Variants in TENM2 observed in about 807,000 individuals in gnomAD.
TENM2 encodes the protein teneurin-2.
Under a neutral mutation model 245.2 loss-of-function variants are expected in TENM2, and 52 were observed. The ratio of observed to expected loss-of-function variants is 0.21; its 90% CI spans 0.17 to 0.27. The LOEUF is 0.27. Ranked by LOEUF, TENM2 falls within the 10% of genes least tolerant of loss-of-function variation. The pLI is 1.00. For synonymous variants in TENM2, 1,363 were observed against 1,438.9 expected (o/e 0.95, Z 1.19); for missense variants, 3,046 against 3,666.8 (o/e 0.83, Z 4.37).
chr5:167,543,397 G>T (rs1772341220), intron 2 of TENM2, among the ~76,000 whole-genome samples: 2 of 152,110 alleles, frequency 1.3e-5, no homozygotes, highest in African/African-American at 4.8e-5. Context: ...TGAGAGGAGT[G>T]GTGAAGTCAC....
chr5:167,623,763 G>A lies in TENM2; in HGVS notation c.502+248290G>A, dbSNP rs572866199. ...ACTAGTGGAGATGCTGATTGTTTTG[G>A]TTTTGTTTCCTTTTTAAATTTTTTT... is the stretch of plus-strand genomic sequence containing the variant. On this transcript the variant is annotated intron_variant, in intron 2 of 28. Coordinates refer to ENST00000518659, the Ensembl canonical transcript of TENM2. Among the ~76,000 whole-genome samples the A allele has an allele frequency of 1.6e-4, 25 of 152,220 alleles. No individual in the cohort carries two copies. In the South Asian group the frequency reaches 4.4e-3, roughly 27 times the overall value.
At chr5:167,072,461 G>A in the TENM2 span, among the ~76,000 whole-genome samples, 3 of 152,146 alleles carry the variant, frequency 2.0e-5, no homozygotes, top group South Asian at 6.2e-4. Flanking sequence ...TCAGTCATTA[G>A]GAGATGAGCC....
chr5:167,967,999 A>G (rs909281095), intron 4 of TENM2, among the ~76,000 whole-genome samples: 1 of 152,174 alleles, frequency 6.6e-6, no homozygotes, highest in Non-Finnish European at 1.5e-5. Context: ...CCTACCAGGC[A>G]GGGGAAGTAG....
chr5:167,849,177 A>G, intron 2 of TENM2, among the ~76,000 whole-genome samples: 1 of 152,076 alleles, frequency 6.6e-6, no homozygotes, highest in South Asian at 2.1e-4. Context: ...TTTGGTTCAT[A>G]GCCCCTTCCT....
chr5:168,033,043 A>G (rs532909269), intron 5 of TENM2: 3 of 152,318 alleles, frequency 2.0e-5, no homozygotes, highest in African/African-American at 4.8e-5. Flanking sequence ...GGCTAAATTG[A>G]TTAAAGTTTT....
At chr5:168,235,947 T>C (rs1446305102) in intron 25 of TENM2, among the ~76,000 whole-genome samples, 1 of 152,184 alleles carries the variant, frequency 6.6e-6, no homozygotes, top group African/African-American at 2.4e-5. Flanking sequence ...GGTAGGAATT[T>C]CCCAGGCATG....
At chr5:167,053,207 C>T in the TENM2 span, among the ~76,000 whole-genome samples, 1 of 152,238 alleles carries the variant, frequency 6.6e-6, no homozygotes, top group Admixed American at 6.5e-5. Context: ...GTTTCTTCTA[C>T]TATATTTTTT....
the TENM2 span, among the ~76,000 whole-genome samples, chr5:167,107,903 G>C: frequency 3.6e-4 from 55 of 152,244 alleles, no homozygotes; most frequent in Non-Finnish European, 1.5e-5. Context: ...GAGCCTTCCG[G>C]GATAGCCCAA....
At chr5:168,228,348 G>GACTC (rs1486930537) in intron 25 of TENM2, among the ~76,000 whole-genome samples, 6 of 152,304 alleles carry the variant, frequency 3.9e-5, no homozygotes, top group Middle Eastern at 3.4e-3. Context: ...CTCCCTTTGG[G>GACTC]ACTCATACCT....
intron 2 of TENM2, among the ~76,000 whole-genome samples, chr5:167,853,329 T>C (rs1770781764): frequency 7.6e-6 from 1 of 131,564 alleles, no homozygotes; most frequent in Non-Finnish European, 1.6e-5. Context: ...GATCGGGCTC[T>C]ATTTGAGAAT....
chr5:167,290,510 G>A (rs1310775006), intron 1 of TENM2, among the ~76,000 whole-genome samples: 1 of 152,144 alleles, frequency 6.6e-6, no homozygotes, highest in Non-Finnish European at 1.5e-5. Context: ...ATACTTTGGT[G>A]CAACAGAAAT....
intron 2 of TENM2, among the ~76,000 whole-genome samples, chr5:167,400,455 A>T (rs1158821): frequency 6.6e-6 from 1 of 151,810 alleles, no homozygotes; most frequent in Non-Finnish European, 1.5e-5. Context: ...ACTGGGAAAC[A>T]GGAAGTTTGG....
chr5:168,222,537 C>T (rs894904778), intron 23 of TENM2, among the ~76,000 whole-genome samples: 3 of 152,084 alleles, frequency 2.0e-5, no homozygotes, highest in African/African-American at 7.2e-5. Context: ...TGGAATGGGC[C>T]CCTTTAAAAG....
the TENM2 span, among the ~76,000 whole-genome samples, chr5:167,095,236 A>G: frequency 6.6e-6 from 1 of 152,294 alleles, no homozygotes; most frequent in East Asian, 1.9e-4. Context: ...GGGTGTTCAG[A>G]TAGTAATTTA....
the TENM2 span, among the ~76,000 whole-genome samples, chr5:167,007,765 G>A: frequency 6.6e-6 from 1 of 152,116 alleles, no homozygotes; most frequent in Non-Finnish European, 1.5e-5. This position sits in a 1 kb window ranked among gnomAD's most constrained non-coding sequence, Gnocchi z 4.2. Flanking sequence ...TTTAAATAGT[G>A]CATAATAAGC....
chr5:167,987,301 A>C (rs1476716361), intron 4 of TENM2, among the ~76,000 whole-genome samples: 1 of 151,888 alleles, frequency 6.6e-6, no homozygotes, highest in Non-Finnish European at 1.5e-5. Context: ...GTTAATGTAC[A>C]CTAGAATCAG....
chr5:167,280,808 G>A (rs544035735), upstream of TENM2, among the ~76,000 whole-genome samples: 7 of 132,542 alleles, frequency 5.3e-5, no homozygotes, highest in East Asian at 2.3e-4. Flanking sequence ...CTATCTATCT[G>A]TCATCTATCT....
intron 1 of TENM2, among the ~76,000 whole-genome samples, chr5:167,348,127 A>C (rs1006439624): frequency 2.0e-5 from 3 of 152,304 alleles, no homozygotes; most frequent in Middle Eastern, 3.4e-3. Context: ...GGAGTTTGGG[A>C]AAGAATTGTT....
intron 2 of TENM2, among the ~76,000 whole-genome samples, chr5:167,478,628 A>G (rs1258329332): frequency 6.6e-6 from 1 of 152,226 alleles, no homozygotes; most frequent in African/African-American, 2.4e-5. Context: ...ACTTATTTTA[A>G]TGATGTCCAT....
Sources: allele counts gnomAD v4.1 joint callset (sites outside exome capture counted in the v4.1 genomes callset), GRCh38; gene constraint gnomAD v4.1.1; non-coding constraint Gnocchi (gnomAD v3.1); transcripts MANE v1.5; gene names NCBI Gene and HGNC (gene_info 2026-07-23, HGNC 2026-07-21).